Variants in TSGA10 observed in about 807,000 individuals in gnomAD.
TSGA10 encodes testis specific 10, also known as testis-specific gene 10 protein.
Under a neutral mutation model 96.6 loss-of-function variants are expected in TSGA10, and 43 were observed. The ratio of observed to expected loss-of-function variants is 0.44; its 90% CI spans 0.35 to 0.57. TSGA10 has a LOEUF of 0.57. TSGA10 is among the 20% of genes least tolerant of loss of function. TSGA10 has a pLI of 0.01. For synonymous variants in TSGA10, 229 were observed against 269.9 expected, an observed-to-expected ratio of 0.85 and a Z score of 1.48; for missense variants, 703 against 834.4, an observed-to-expected ratio of 0.84 and a Z score of 1.94.
At chr2:99,108,050 T>C (rs1007412412) in intron 7 of TSGA10, among the ~76,000 whole-genome samples, 2 of 152,156 alleles carry the variant, frequency 1.3e-5, no homozygotes, top group Non-Finnish European at 1.5e-5. Flanking sequence ...GAAACTCCAT[T>C]CATTTTTCAG....
chr2:99,019,400 A>G (rs1198559144), intron 18 of TSGA10, among the ~76,000 whole-genome samples: 3 of 152,206 alleles, frequency 2.0e-5, no homozygotes, highest in Non-Finnish European at 4.4e-5. Flanking sequence ...ATCCTGAGAA[A>G]GTGATCCTGC....
intron 16 of TSGA10, among the ~76,000 whole-genome samples, chr2:99,055,043 A>G (rs1021850172): frequency 1.3e-5 from 2 of 152,230 alleles, no homozygotes; most frequent in Non-Finnish European, 2.9e-5. Flanking sequence ...AGTATGTCAA[A>G]AAGACATCTG....
At chr2:99,019,494 G>C in intron 18 of TSGA10, among the ~76,000 whole-genome samples, 1 of 152,186 alleles carries the variant, frequency 6.6e-6, no homozygotes, top group East Asian at 1.9e-4. Context: ...CCTGAAAACA[G>C]TTTCTGAAGG....
At chr2:99,085,665 A>T (rs913114505) in intron 10 of TSGA10, among the ~76,000 whole-genome samples, 3 of 148,750 alleles carry the variant, frequency 2.0e-5, no homozygotes, top group East Asian at 3.9e-4. Flanking sequence ...AGAAAAATTT[A>T]AAAAACTAAA....
At chr2:99,103,916 A>C in intron 10 of TSGA10, 51 bp downstream of exon 10, 4 of 1,564,568 alleles carry the variant, frequency 2.6e-6, no homozygotes, top group Non-Finnish European at 2.6e-6. Flanking sequence ...TATAAAAAGC[A>C]GAGCTATAGT....
At chr2:99,102,076 T>C in intron 10 of TSGA10, 1 of 1,489,042 alleles carries the variant, frequency 6.7e-7, no homozygotes, top group Non-Finnish European at 9.4e-7. Context: ...TTTGTAAATT[T>C]CTCTGAGCAG....
chr2:99,056,512 A>G (rs770111427), intron 16 of TSGA10, among the ~76,000 whole-genome samples: 1 of 152,208 alleles, frequency 6.6e-6, no homozygotes, highest in African/African-American at 2.4e-5. Context: ...CTCATGAAAA[A>G]TAGACTATCT....
chr2:99,136,438 C>T (rs1218583005), intron 1 of TSGA10, among the ~76,000 whole-genome samples: 1 of 152,122 alleles, frequency 6.6e-6, no homozygotes, highest in African/African-American at 2.4e-5. Context: ...TACACCACAG[C>T]ATGATTACTG....
intron 16 of TSGA10, among the ~76,000 whole-genome samples, chr2:99,035,675 T>A (rs2105085078): frequency 6.6e-6 from 1 of 151,828 alleles, no homozygotes; most frequent in East Asian, 1.9e-4. Context: ...TCATTCTTTT[T>A]AATGTACTTA....
chr2:99,118,441 A>G, intron 3 of TSGA10, 110 bp downstream of exon 3: 31 of 245,062 alleles, frequency 1.3e-4, no homozygotes, highest in Non-Finnish European at 1.6e-4. Flanking sequence ...ACACAGCAAG[A>G]CTCTATCTCA....
At chr2:99,032,498 C>A (rs1212354747) in intron 17 of TSGA10, among the ~76,000 whole-genome samples, 6 of 152,178 alleles carry the variant, frequency 3.9e-5, no homozygotes, top group African/African-American at 7.2e-5. Context: ...TTCAAAACTG[C>A]TTTGCCACTT....
At chr2:99,027,651 C>T (rs942557761) in intron 17 of TSGA10, among the ~76,000 whole-genome samples, 1 of 151,944 alleles carries the variant, frequency 6.6e-6, no homozygotes, top group African/African-American at 2.4e-5. Context: ...CAAAACATCA[C>T]ATTATACTCC....
At chr2:99,141,743 T>G (rs934430464) in intron 1 of TSGA10, 1 of 152,916 alleles carries the variant, frequency 6.5e-6, no homozygotes, top group East Asian at 1.9e-4. Context: ...TTGAAACACC[T>G]GCTGCTTCGC....
At position 99,141,079 on chromosome 2, in the gene TSGA10, C is replaced by T. The variant is rs747561130; in HGVS notation, c.-621+13614G>A. 28 of 1,283,054 alleles carry T rather than the reference C, an allele frequency of 2.2e-5. No individual in the cohort carries two copies. In the South Asian group the frequency reaches 3.5e-4, roughly 16 times the overall value. The allele number at this position is 1,283,054 out of a possible 1,614,324, so 79.5% of individuals were successfully genotyped here. On this transcript the variant is annotated intron_variant, in intron 1 of 20. Coordinates refer to ENST00000393483, the MANE Select transcript of TSGA10 (RefSeq NM_025244.4). ...CCCACCCCGCGCACCTCCGCAGCTT[C>T]TACCTGGAGCTCCGGGTCCCTCCCC...
intron 1 of TSGA10, among the ~76,000 whole-genome samples, chr2:99,149,786 T>C (rs11685765): frequency 0.086 from 2,303 of 26,714 alleles, 230 homozygotes; most frequent in Middle Eastern, 0.35. Context: ...CACAAGTATC[T>C]TTTTTTTTTT....
intron 14 of TSGA10, among the ~76,000 whole-genome samples, chr2:99,069,547 T>A (rs1455521267): frequency 6.6e-6 from 1 of 151,832 alleles, no homozygotes; most frequent in Non-Finnish European, 1.5e-5. Flanking sequence ...AGCTGGGTGT[T>A]TTTCCTGTAA....
intron 20 of TSGA10, among the ~76,000 whole-genome samples, chr2:99,009,046 C>T (rs1474927649): frequency 6.6e-6 from 1 of 152,094 alleles, no homozygotes; most frequent in African/African-American, 2.4e-5. Context: ...GAAAGTGACA[C>T]TTCTCTTAGT....
chr2:99,032,102 G>A (rs1334930734), intron 17 of TSGA10, among the ~76,000 whole-genome samples: 3 of 152,148 alleles, frequency 2.0e-5, no homozygotes, highest in African/African-American at 7.2e-5. Flanking sequence ...TTGTACAGTT[G>A]CATCTAGTGG....
intron 20 of TSGA10, among the ~76,000 whole-genome samples, chr2:99,007,208 G>T (rs751813374): frequency 6.6e-6 from 1 of 152,096 alleles, no homozygotes; most frequent in African/African-American, 2.4e-5. Context: ...GAGTTAATGG[G>T]TGCAGCACAG....
Sources: gnomAD v4.1 joint callset for allele counts (sites outside exome capture counted in the v4.1 genomes callset) on GRCh38, gnomAD v4.1.1 for gene constraint, MANE v1.5 for transcripts, NCBI Gene and HGNC (gene_info 2026-07-23, HGNC 2026-07-21) for gene names.